ST6GALNAC3: variants seen among roughly 807,000 people sequenced by gnomAD.
The protein encoded by ST6GALNAC3 is ST6 N-acetylgalactosaminide alpha-2,6-sialyltransferase 3.
ST6GALNAC3 carries 25 observed loss-of-function variants against 32.7 expected under a neutral mutation model. The observed-to-expected ratio is 0.76, with a 90% CI of 0.56 to 1.07. ST6GALNAC3 has a LOEUF of 1.07. ST6GALNAC3 is among the 50% of genes least tolerant of loss of function. The pLI is 0.00. For synonymous variants in ST6GALNAC3, 129 were observed against 133.1 expected, an observed-to-expected ratio of 0.97 and a Z score of 0.21; for missense variants, 355 against 382.4, an observed-to-expected ratio of 0.93 and a Z score of 0.60.
chr1:76,370,566 C>G (rs1650736416), intron 2 of ST6GALNAC3, among the ~76,000 whole-genome samples: 1 of 152,062 alleles, frequency 6.6e-6, no homozygotes, highest in East Asian at 1.9e-4. Flanking sequence ...CCAAGAGTGA[C>G]TTGTTCGGGG....
rs1050741526 is a variant in ST6GALNAC3, at chr1:76,412,244, T to A, written c.450T>A (p.Thr150=). ...PDYFFKEANT[T]IYVIWGPFRN... is the part of the protein sequence containing the mutation. The stretch of plus-strand genomic sequence containing the variant: ...ATTTTTTCAAGGAAGCGAATACTAC[T>A]ATTTATGTTATTTGGGGACCTTTCC... Residue 150 remains threonine, a synonymous_variant, in exon 3 of 5, where the codon ACT becomes ACA. Coordinates refer to ENST00000328299, the MANE Select transcript of ST6GALNAC3 (RefSeq NM_152996.4). 1 of 1,613,790 alleles carries A rather than the reference T, an allele frequency of 6.2e-7. No homozygotes were observed. Among genetic ancestry groups the A allele is most frequent in the Admixed American group, 1.7e-5 (1 of 59,940 alleles).
intron 1 of ST6GALNAC3, among the ~76,000 whole-genome samples, chr1:76,182,044 C>T (rs978720501): frequency 1.3e-5 from 2 of 152,154 alleles, no homozygotes; most frequent in African/African-American, 2.4e-5. Flanking sequence ...TATCAGCAAA[C>T]CCTACTAATA....
intron 1 of ST6GALNAC3, among the ~76,000 whole-genome samples, chr1:76,263,386 AAT>A (rs374050170): frequency 2.7e-5 from 4 of 147,530 alleles, no homozygotes; most frequent in African/African-American, 1.1e-4. Flanking sequence ...TACCTTATGT[AAT>A]ATTTTTTTAT....
chr1:76,481,883 T>C (rs368524496), intron 3 of ST6GALNAC3, among the ~76,000 whole-genome samples: 50 of 152,162 alleles, frequency 3.3e-4, no homozygotes, highest in African/African-American at 1.2e-3. Flanking sequence ...CTCCATACTC[T>C]GTGACTTCAA....
chr1:76,463,164 T>C (rs907924220), intron 3 of ST6GALNAC3, among the ~76,000 whole-genome samples: 2 of 152,222 alleles, frequency 1.3e-5, no homozygotes, highest in Admixed American at 1.3e-4. Context: ...CTAAAAATTT[T>C]AATAGTGGGA....
chr1:76,332,462 G>A (rs1039656791), intron 2 of ST6GALNAC3, among the ~76,000 whole-genome samples: 1 of 152,088 alleles, frequency 6.6e-6, no homozygotes, highest in Non-Finnish European at 1.5e-5. Context: ...TTGAGATAAG[G>A]TACTAACTTC....
At chr1:76,414,218 T>C (rs1654463083) in intron 3 of ST6GALNAC3, among the ~76,000 whole-genome samples, 1 of 152,064 alleles carries the variant, frequency 6.6e-6, no homozygotes, top group African/African-American at 2.4e-5. Flanking sequence ...ATAAAGTTAA[T>C]TTGCAAGGTA....
chr1:76,285,004 GCT>G (rs1461331195), intron 1 of ST6GALNAC3, among the ~76,000 whole-genome samples: 1 of 152,152 alleles, frequency 6.6e-6, no homozygotes, highest in Admixed American at 6.6e-5. Context: ...CACCCAGCCA[GCT>G]CTCAGCTTAA....
chr1:76,223,939 G>A (rs1243253690), intron 1 of ST6GALNAC3, among the ~76,000 whole-genome samples: 1 of 152,182 alleles, frequency 6.6e-6, no homozygotes, highest in Non-Finnish European at 1.5e-5. Flanking sequence ...TCTGTGTGTA[G>A]AGGATCCAGA....
At chr1:76,581,042 T>C (rs901224391) in intron 3 of ST6GALNAC3, among the ~76,000 whole-genome samples, 2 of 152,066 alleles carry the variant, frequency 1.3e-5, no homozygotes, top group African/African-American at 4.8e-5. Flanking sequence ...TTTATCCATT[T>C]TTTTCTGATC....
chr1:76,248,822 C>T (rs539458137), intron 1 of ST6GALNAC3, among the ~76,000 whole-genome samples: 7 of 151,864 alleles, frequency 4.6e-5, no homozygotes, highest in African/African-American at 1.7e-4. Context: ...TGTTTGTTCA[C>T]GTGACAGAGG....
chr1:76,089,720 C>T (rs1398952998), intron 1 of ST6GALNAC3, among the ~76,000 whole-genome samples: 3 of 152,176 alleles, frequency 2.0e-5, no homozygotes, highest in African/African-American at 7.2e-5. Context: ...CAACTCTTGA[C>T]ATTCGGTTGA....
chr1:76,544,302 T>C (rs1450444789), intron 3 of ST6GALNAC3, among the ~76,000 whole-genome samples: 2 of 152,038 alleles, frequency 1.3e-5, no homozygotes, highest in Non-Finnish European at 2.9e-5. Flanking sequence ...AAAAAGTAAC[T>C]AAGGAATTTT....
chr1:76,444,151 G>T (rs1656806775), intron 3 of ST6GALNAC3, among the ~76,000 whole-genome samples: 1 of 152,210 alleles, frequency 6.6e-6, no homozygotes. Context: ...TCCTCTCCCA[G>T]TGAGAAAACT....
At chr1:76,276,471 G>T (rs1457319083) in intron 1 of ST6GALNAC3, among the ~76,000 whole-genome samples, 1 of 152,108 alleles carries the variant, frequency 6.6e-6, no homozygotes, top group Non-Finnish European at 1.5e-5. Flanking sequence ...TGATTTGTGA[G>T]ATTCATCCAT....
At chr1:76,481,148 G>T (rs1278411705) in intron 3 of ST6GALNAC3, among the ~76,000 whole-genome samples, 1 of 152,044 alleles carries the variant, frequency 6.6e-6, no homozygotes, top group Non-Finnish European at 1.5e-5. Flanking sequence ...TCATTTTCCA[G>T]CATTAGTCAC....
chr1:76,253,488 A>G (rs1657739071), intron 1 of ST6GALNAC3, among the ~76,000 whole-genome samples: 2 of 152,126 alleles, frequency 1.3e-5, no homozygotes, highest in African/African-American at 2.4e-5. Flanking sequence ...GCAAGATGGA[A>G]AGAGATTATG....
At chr1:76,248,812 T>C (rs1657452678) in intron 1 of ST6GALNAC3, among the ~76,000 whole-genome samples, 1 of 152,134 alleles carries the variant, frequency 6.6e-6, no homozygotes, top group Non-Finnish European at 1.5e-5. Context: ...TCTTTTCCTT[T>C]GTTTGTTCAC....
intron 3 of ST6GALNAC3, among the ~76,000 whole-genome samples, chr1:76,453,339 G>A (rs1222089821): frequency 6.6e-6 from 1 of 151,860 alleles, no homozygotes; most frequent in Non-Finnish European, 1.5e-5. Context: ...GTTTGTTCTT[G>A]TTTCTCTAGT....
Sources: gnomAD v4.1 joint callset for allele counts (sites outside exome capture counted in the v4.1 genomes callset) on GRCh38, gnomAD v4.1.1 for gene constraint, MANE v1.5 for transcripts, NCBI Gene and HGNC (gene_info 2026-07-23, HGNC 2026-07-21) for gene names.